ZNF148: variants seen among roughly 807,000 people sequenced by gnomAD.
ZNF148 encodes Beta-Enolase Repressor Factor-1.
A neutral mutation model predicts 67.7 loss-of-function variants in ZNF148; 7 were observed. That is an observed-to-expected ratio of 0.10 (90% CI 0.06 to 0.19). The LOEUF (loss-of-function observed/expected upper bound fraction) is 0.19, where lower values mean the gene tolerates loss of function less well. ZNF148 is among the 10% of genes least tolerant of loss of function. The probability of loss-of-function intolerance (pLI) is 1.00; values close to 1 mark genes in which losing one functional copy is unlikely to be tolerated. For synonymous variants in ZNF148, 333 were observed against 330.7 expected (o/e 1.01, Z -0.08); for missense variants, 583 against 947.1 (o/e 0.62, Z 5.05).
chr3:125,287,435 T>G (rs953377227), intron 5 of ZNF148, among the ~76,000 whole-genome samples: 3 of 151,958 alleles, frequency 2.0e-5, no homozygotes, highest in African/African-American at 7.3e-5. Context: ...GACCAGGAGT[T>G]TGAGACTAGC....
chr3:125,337,314 C>T (rs944387212), intron 1 of ZNF148, among the ~76,000 whole-genome samples: 3 of 152,130 alleles, frequency 2.0e-5, no homozygotes, highest in Non-Finnish European at 4.4e-5. Flanking sequence ...ATTTTATAAA[C>T]TTTAAACTAC....
At chr3:125,347,630 C>T (rs1376340032) in intron 1 of ZNF148, among the ~76,000 whole-genome samples, 4 of 151,276 alleles carry the variant, frequency 2.6e-5, no homozygotes, top group Admixed American at 1.3e-4. Context: ...TGCAGTGGCA[C>T]GATCTCAGCT....
At chr3:125,353,422 A>C (rs1942225508) in intron 1 of ZNF148, among the ~76,000 whole-genome samples, 1 of 152,152 alleles carries the variant, frequency 6.6e-6, no homozygotes, top group Admixed American at 6.5e-5. Flanking sequence ...TGAACACACA[A>C]AAATAAGTGC....
chr3:125,334,008 A>G (rs190246237), intron 1 of ZNF148, among the ~76,000 whole-genome samples: 3 of 152,356 alleles, frequency 2.0e-5, no homozygotes, highest in Non-Finnish European at 4.4e-5. Flanking sequence ...TAGATACACA[A>G]TAATATACAT....
chr3:125,360,036 C>G (rs1942488017), intron 1 of ZNF148, among the ~76,000 whole-genome samples: 1 of 152,228 alleles, frequency 6.6e-6, no homozygotes, highest in Non-Finnish European at 1.5e-5. Context: ...AAATATTACA[C>G]TTAATGATGC....
chr3:125,332,526 T>C (rs2107714470), intron 1 of ZNF148, among the ~76,000 whole-genome samples: 1 of 152,326 alleles, frequency 6.6e-6, no homozygotes, highest in East Asian at 1.9e-4. Context: ...ACTTACTATG[T>C]AAACAAACTG....
At chr3:125,274,540 AAAT>A (rs1475094479) in intron 7 of ZNF148, among the ~76,000 whole-genome samples, 1 of 152,246 alleles carries the variant, frequency 6.6e-6, no homozygotes, top group East Asian at 1.9e-4. Context: ...AAATGGAATT[AAAT>A]AATAGCCTGT....
chr3:125,329,604 T>C (rs904320380), intron 2 of ZNF148, among the ~76,000 whole-genome samples: 4 of 151,790 alleles, frequency 2.6e-5, no homozygotes, highest in African/African-American at 9.7e-5. Flanking sequence ...GTGATCCACC[T>C]GCCTTGGCCT....
rs1286229692 is a variant in ZNF148 at position 125,233,445 on chromosome 3, A to C, written c.1281T>G (p.Phe427Leu). The C allele has an allele frequency of 1.9e-6, 3 of 1,613,872 alleles. No individual in the cohort carries two copies. Among genetic ancestry groups the C allele is most frequent in the Non-Finnish European group, 2.5e-6 (3 of 1,179,952 alleles). ...YEESKVSKYA[F>L]ELVDKQALLD... ...GTAAAGCCTGTTTATCCACAAGTTCAAAAGCATACTTTGAAACTTTGCTCT... is the reference window on the plus strand; with the variant it reads ...GTAAAGCCTGTTTATCCACAAGTTCCAAAGCATACTTTGAAACTTTGCTCT... The change falls in exon 9 of 9, where the codon TTT becomes TTG. Residue 427 changes from phenylalanine (F) to leucine (L), a missense_variant. Physicochemically the swap from Phe to Leu is conservative, Grantham distance 22. Transcript: ENST00000360647. The surrounding 1 kb of genome is among the most constrained non-coding windows in gnomAD (Gnocchi z 5.1).
chr3:125,369,537 C>G (rs1942812840), intron 1 of ZNF148, among the ~76,000 whole-genome samples: 1 of 151,366 alleles, frequency 6.6e-6, no homozygotes. Context: ...GAATTGTACT[C>G]AGAAGTTAAT....
At chr3:125,289,756 G>A (rs1938905300) in intron 4 of ZNF148, among the ~76,000 whole-genome samples, 1 of 152,012 alleles carries the variant, frequency 6.6e-6, no homozygotes, top group Non-Finnish European at 1.5e-5. Context: ...TGTAGCATGT[G>A]GCAACAAAAA....
At chr3:125,345,481 T>A (rs1941906140) in intron 1 of ZNF148, among the ~76,000 whole-genome samples, 1 of 150,258 alleles carries the variant, frequency 6.7e-6, no homozygotes, top group African/African-American at 2.5e-5. Flanking sequence ...AAGAGCAAAA[T>A]GAAGCCAAAG....
At chr3:125,372,004 CA>C (rs1942906461) in intron 1 of ZNF148, among the ~76,000 whole-genome samples, 1 of 148,532 alleles carries the variant, frequency 6.7e-6, no homozygotes, top group Non-Finnish European at 1.5e-5. Context: ...GCAGAGCTTG[CA>C]GTGAGCCGAG....
At chr3:125,363,233 A>G (rs1050952773) in intron 1 of ZNF148, among the ~76,000 whole-genome samples, 8 of 152,222 alleles carry the variant, frequency 5.3e-5, no homozygotes, top group Non-Finnish European at 1.2e-4. Context: ...AGATTCTTCA[A>G]CTATTACTTC....
At chr3:125,357,316 ACACG>A (rs10625384) in intron 1 of ZNF148, 25 of 152,702 alleles carry the variant, frequency 1.6e-4, no homozygotes, top group South Asian at 4.1e-4. Context: ...GCGCACAGAC[ACACG>A]CACGCACGCA....
rs1311492729 is a variant in ZNF148, at chr3:125,230,799, A to G, written c.*1542T>C. On this transcript the variant is annotated 3_prime_UTR_variant, in exon 9 of 9. Coordinates refer to ENST00000360647, the MANE Select transcript of ZNF148 (RefSeq NM_021964.3). ...GTGCTATATCAGGATGTGCATTGTGACAACGATGGCAGAAAATTTAAAATG... is the reference window on the plus strand; with the variant it reads ...GTGCTATATCAGGATGTGCATTGTGGCAACGATGGCAGAAAATTTAAAATG... 6.6e-6 allele frequency: 1 copy of G among 152,166 alleles called. No homozygotes were observed. The highest frequency in any genetic ancestry group is 1.5e-5 in the Non-Finnish European group (1 of 67,978). 9.4% of individuals were successfully genotyped at this position (152,166 alleles called of 1,614,324 possible).
At chr3:125,256,980 T>G (rs1459238968) in intron 7 of ZNF148, among the ~76,000 whole-genome samples, 2 of 151,482 alleles carry the variant, frequency 1.3e-5, no homozygotes, top group Admixed American at 6.6e-5. Context: ...TTTTTTTTTT[T>G]TTTTTTTTTT....
At chr3:125,374,069 C>A (rs1165487932) in intron 1 of ZNF148, among the ~76,000 whole-genome samples, 1 of 152,180 alleles carries the variant, frequency 6.6e-6, no homozygotes, top group African/African-American at 2.4e-5. Context: ...AAAATCGAAG[C>A]TCCATAGCCT....
intron 7 of ZNF148, among the ~76,000 whole-genome samples, chr3:125,265,725 T>C (rs1937518217): frequency 6.6e-6 from 1 of 152,144 alleles, no homozygotes; most frequent in Non-Finnish European, 1.5e-5. Context: ...AAAGAATATA[T>C]ATGATTGATT....
Sources: allele counts gnomAD v4.1 joint callset (sites outside exome capture counted in the v4.1 genomes callset), GRCh38; gene constraint gnomAD v4.1.1; non-coding constraint Gnocchi (gnomAD v3.1); transcripts MANE v1.5; gene names NCBI Gene and HGNC (gene_info 2026-07-23, HGNC 2026-07-21).